The following PWP2 variants were observed in gnomAD, a reference collection of about 807,000 sequenced individuals.
PWP2 encodes the protein periodic tryptophan protein 2 homolog.
For synonymous variants in PWP2, 24 were observed against 45.4 expected, an observed-to-expected ratio of 0.53 and a Z score of 1.89; for missense variants, 35 against 114.1, an observed-to-expected ratio of 0.31 and a Z score of 3.16.
At position 44,112,215 on chromosome 21, in the gene PWP2, C is replaced by T. The variant is rs959375043; in HGVS notation, c.132-1538C>T. On this transcript the variant is annotated intron_variant, in intron 2 of 20. Coordinates refer to ENST00000291576, the MANE Select transcript of PWP2 (RefSeq NM_005049.3). ...ACAGTATCACATGCTACAGAGACAT[C>T]TTGTGAAAGGAAGAGTCCATCGATA... Among the ~76,000 whole-genome samples the T allele has an allele frequency of 1.4e-4, 10 of 72,384 alleles. 4 individuals carry two copies. The highest frequency in any genetic ancestry group is 3.1e-4 in the Admixed American group (2 of 6,440). The allele number at this position is 72,384 out of a possible 152,430, so 47.5% of individuals were successfully genotyped here.
rs923681522 is a variant in PWP2, at chr21:44,117,178, C to T, written c.837-642C>T. ...GCTGGAGTCAAGACTTGAATGGGGA[C>T]TGGAGGAAGAGGAAGGGATGATGGG... On this transcript the variant is annotated intron_variant, in intron 7 of 20. Transcript: ENST00000291576. 2.8e-5 allele frequency among the ~76,000 whole-genome samples: 2 copies of T among 71,920 alleles called. 1 individual carries two copies. The highest frequency in any genetic ancestry group is 9.1e-5 in the Non-Finnish European group (2 of 21,904). 47.2% of individuals were successfully genotyped at this position (71,920 alleles called of 152,430 possible).
rs1350407427 is a variant in PWP2, at chr21:44,118,661, T to C, written c.981-102T>C. 2.0e-5 allele frequency: 6 copies of C among 300,828 alleles called. 1 individual carries two copies. Among genetic ancestry groups the C allele is most frequent in the African/African-American group, 1.0e-4 (5 of 50,074 alleles). The allele number at this position is 300,828 out of a possible 1,614,324, so 18.6% of individuals were successfully genotyped here. A position where few individuals can be genotyped will look rare whatever the true frequency, so the allele number is the denominator to read the frequency against. ...TCTGGTGAGTGGGTGGGGTAAGCTC[T>C]GCACACAGGGATAGAATCTGGTGTC... On this transcript the variant is annotated intron_variant, in intron 8 of 20. Coordinates refer to ENST00000291576, the MANE Select transcript of PWP2 (RefSeq NM_005049.3).
At position 44,107,612 on chromosome 21, in the gene PWP2, C is replaced by G. The variant is rs983685688; in HGVS notation, c.18+178C>G. Among the ~76,000 whole-genome samples the G allele has an allele frequency of 3.1e-5, 2 of 65,156 alleles. 1 individual carries two copies. The highest frequency in any genetic ancestry group is 3.2e-4 in the Admixed American group (2 of 6,208). 42.7% of individuals were successfully genotyped at this position (65,156 alleles called of 152,430 possible). On this transcript the variant is annotated intron_variant, in intron 1 of 20. Coordinates refer to ENST00000291576, the MANE Select transcript of PWP2 (RefSeq NM_005049.3). Reference sequence around the variant, plus strand: ...GGGGACGCGGGGCTGTGGTGGGGCTCCTGGGAGAGCTGGGACGGAGGCGCC... The same window carrying G: ...GGGGACGCGGGGCTGTGGTGGGGCTGCTGGGAGAGCTGGGACGGAGGCGCC...
chr21:44,121,141 AC>A, intron 13 of PWP2, 39 bp downstream of exon 13: 1 of 279,410 alleles, frequency 3.6e-6, no homozygotes. Context: ...CGGCCTGGGG[AC>A]CAGCAGCATG....
rs139657835 is a variant in PWP2, at chr21:44,113,815, C to T, written c.194C>T (p.Pro65Leu). 2 of 71,138 alleles carry T rather than the reference C, an allele frequency of 2.8e-5. No individual in the cohort carries two copies. Among genetic ancestry groups the T allele is most frequent in the African/African-American group, 9.3e-5 (1 of 10,750 alleles). The allele number at this position is 71,138 out of a possible 1,614,324, so 4.4% of individuals were successfully genotyped here. The change falls in exon 3 of 21, where the codon CCG becomes CTG. Residue 65 changes from proline (P) to leucine (L), a missense_variant. Physicochemically the swap from Pro to Leu is moderately conservative, Grantham distance 98. Transcript: ENST00000291576. ...AACGTCAAGTGCGTGGGGCTGTCCC[C>T]GGATGGCCGCCTCGCTATCATCGTC... ...RYNVKCVGLS[P>L]DGRLAIIVDE...
chr21:44,120,591 G>A lies in PWP2; in HGVS notation c.1338-40G>A. 3 of 176,568 alleles carry A rather than the reference G, an allele frequency of 1.7e-5. 1 individual carries two copies. Among genetic ancestry groups the A allele is most frequent in the South Asian group, 6.9e-5 (2 of 28,814 alleles). The allele number at this position is 176,568 out of a possible 1,614,324, so 10.9% of individuals were successfully genotyped here. A position where few individuals can be genotyped will look rare whatever the true frequency, so the allele number is the denominator to read the frequency against. ...CTGCAGTGCAGCTGCTGGGGCAGGG[G>A]ACCCTGGCACGTGACTCTGACCTTG... is the stretch of plus-strand genomic sequence containing the variant. On this transcript the variant is annotated intron_variant, in intron 11 of 20. Coordinates refer to ENST00000291576, the MANE Select transcript of PWP2 (RefSeq NM_005049.3).
In PWP2 at chr21:44,109,011, C is replaced by G; in HGVS notation, c.46C>G (p.Arg16Gly). 1.7e-6 allele frequency: 1 copy of G among 580,488 alleles called. No individual in the cohort carries two copies. Among genetic ancestry groups the G allele is most frequent in the South Asian group, 1.8e-5 (1 of 56,434 alleles). 36.0% of individuals were successfully genotyped at this position (580,488 alleles called of 1,614,324 possible). Residue 16 changes from arginine (R) to glycine (G), a missense_variant, in exon 2 of 21, where the codon CGG becomes GGG. Arg to Gly is a moderately radical substitution (Grantham distance 125). Transcript: ENST00000291576. ...TTCAAATTTGCTGGGTACGGTGTAC[C>G]GGCGTGGGAACCTAAATTTTACCTG... is the stretch of plus-strand genomic sequence containing the variant. ...RFSNLLGTVYRRGNLNFTCDG... is the reference protein window; with the variant it reads ...RFSNLLGTVYGRGNLNFTCDG...
Position 44,129,075 on chromosome 21 carries a change from G to A in PWP2, c.2585+449G>A, listed in dbSNP as rs2039336902. Among the ~76,000 whole-genome samples, 2 of 71,710 alleles carry A rather than the reference G, an allele frequency of 2.8e-5. 1 individual carries two copies. The highest frequency in any genetic ancestry group is 7.4e-4 in the South Asian group (2 of 2,720). The allele number at this position is 71,710 out of a possible 152,430, so 47.0% of individuals were successfully genotyped here. ...AAAAGGGTGCTGTTGCTGCTGCTGC[G>A]AGGATTCATCCGCGGGCCTAGGACA... On this transcript the variant is annotated intron_variant, in intron 20 of 20. Transcript: ENST00000291576.
chr21:44,111,813 A>T lies in PWP2; in HGVS notation c.132-1940A>T, dbSNP rs1375307315. 2.8e-5 allele frequency among the ~76,000 whole-genome samples: 2 copies of T among 70,790 alleles called. 1 individual carries two copies. The highest frequency in any genetic ancestry group is 6.0e-5 in the African/African-American group (2 of 33,216). 46.4% of individuals were successfully genotyped at this position (70,790 alleles called of 152,430 possible). A position where few individuals can be genotyped will look rare whatever the true frequency, so the allele number is the denominator to read the frequency against. On this transcript the variant is annotated intron_variant, in intron 2 of 20. Transcript: ENST00000291576. ...AACCTCCACCTCCTGGGTTCAAGCA[A>T]TTCTCCTGCCTCGGGCCCCCCTACC...
Position 44,117,184 on chromosome 21 carries a change from G to A in PWP2, c.837-636G>A, listed in dbSNP as rs1291781343. ...GTCAAGACTTGAATGGGGACTGGAG[G>A]AAGAGGAAGGGATGATGGGCCCCCC... On this transcript the variant is annotated intron_variant, in intron 7 of 20. Coordinates refer to ENST00000291576, the MANE Select transcript of PWP2 (RefSeq NM_005049.3). 2.8e-5 allele frequency among the ~76,000 whole-genome samples: 2 copies of A among 71,522 alleles called. 1 individual carries two copies. Among genetic ancestry groups the A allele is most frequent in the African/African-American group, 6.1e-5 (2 of 32,712 alleles). The allele number at this position is 71,522 out of a possible 152,430, so 46.9% of individuals were successfully genotyped here. A position where few individuals can be genotyped will look rare whatever the true frequency, so the allele number is the denominator to read the frequency against.
intron 20 of PWP2, among the ~76,000 whole-genome samples, chr21:44,128,896 A>C (rs1020311528): frequency 1.3e-5 from 1 of 75,078 alleles, no homozygotes; most frequent in African/African-American, 2.9e-5. Flanking sequence ...GGAATCCTCC[A>C]GGCTCTTGGA....
In PWP2 at chr21:44,118,845, G is replaced by A. The variant is rs1425130924; in HGVS notation, c.1051+12G>A. 13 of 617,968 alleles carry A rather than the reference G, an allele frequency of 2.1e-5. 4 individuals carry two copies. The highest frequency in any genetic ancestry group is 8.7e-5 in the South Asian group (5 of 57,162). 38.3% of individuals were successfully genotyped at this position (617,968 alleles called of 1,614,324 possible). A position where few individuals can be genotyped will look rare whatever the true frequency, so the allele number is the denominator to read the frequency against. ...TTTTGGCTGTTCAGGTTTGTCCCCC[G>A]CCTGGGTGGTAGAGATGGACTCCCC... On this transcript the variant is annotated intron_variant, in intron 9 of 20. Transcript: ENST00000291576.
At position 44,117,116 on chromosome 21, in the gene PWP2, G is replaced by A. The variant is rs1036468154; in HGVS notation, c.837-704G>A. Among the ~76,000 whole-genome samples, 3 of 72,852 alleles carry A rather than the reference G, an allele frequency of 4.1e-5. 1 individual carries two copies. Among genetic ancestry groups the A allele is most frequent in the African/African-American group, 9.0e-5 (3 of 33,250 alleles). The allele number at this position is 72,852 out of a possible 152,430, so 47.8% of individuals were successfully genotyped here. A position where few individuals can be genotyped will look rare whatever the true frequency, so the allele number is the denominator to read the frequency against. On this transcript the variant is annotated intron_variant, in intron 7 of 20. Coordinates refer to ENST00000291576, the MANE Select transcript of PWP2 (RefSeq NM_005049.3). Reference sequence around the variant, plus strand: ...CGGGTGGGTCAGTGCCCGTGAGTCCGTGCCCGTCAGTGCCCGCGGGGACTT... The same window carrying A: ...CGGGTGGGTCAGTGCCCGTGAGTCCATGCCCGTCAGTGCCCGCGGGGACTT...
rs776233068 is a variant in PWP2, at chr21:44,107,425, C to G, written c.9C>G (p.Phe3Leu). 4 of 1,413,426 alleles carry G rather than the reference C, an allele frequency of 2.8e-6. No homozygotes were observed. The highest frequency in any genetic ancestry group is 1.5e-5 in the African/African-American group (1 of 66,504). The allele number at this position is 1,413,426 out of a possible 1,614,324, so 87.6% of individuals were successfully genotyped here. A position where few individuals can be genotyped will look rare whatever the true frequency, so the allele number is the denominator to read the frequency against. MK[F>L]AYRFSNLLGT... ...CACGTGCGACGGCCGTGATGAAGTT[C>G]GCTTACCGGGTGAGCGCGGGCGGCG... Residue 3 changes from phenylalanine to leucine, a missense_variant, in exon 1 of 21, where the codon TTC becomes TTG. Transcript: ENST00000291576.
chr21:44,124,626 GC>G lies in PWP2; in HGVS notation c.1865del (p.Ala622GlyfsTer19). The G allele has an allele frequency of 2.9e-6, 1 of 347,338 alleles. No individual in the cohort carries two copies. The highest frequency in any genetic ancestry group is 4.6e-6 in the Non-Finnish European group (1 of 218,678). 21.5% of individuals were successfully genotyped at this position (347,338 alleles called of 1,614,324 possible). Reference protein sequence around the residue: ...CYSADGHSILAGGMSKFVCIY... With the variant: ...CYSADGHSILXGGMSKFVCIY... ...CTCTGCAGACGGCCACAGCATCCTG[GC>G]GGGAGGCATGTCCAAGTTCGTGTGC... On this transcript the variant is annotated frameshift_variant, in exon 15 of 21. Coordinates refer to ENST00000291576, the MANE Select transcript of PWP2 (RefSeq NM_005049.3). LOFTEE classifies it high-confidence loss of function.
At chr21:44,119,044 C>T (rs548369382) in intron 9 of PWP2, 1 of 201,726 alleles carries the variant, frequency 5.0e-6, no homozygotes, top group South Asian at 4.1e-5. Flanking sequence ...CTCCAGCCAC[C>T]TTTCAGGGGG....
intron 8 of PWP2, among the ~76,000 whole-genome samples, chr21:44,118,373 C>T (rs1189029966): frequency 5.3e-5 from 1 of 18,920 alleles, no homozygotes; most frequent in African/African-American, 9.1e-5. Context: ...TGGCGTAATT[C>T]GGTTCACTGC....
chr21:44,119,362 A>G lies in PWP2; in HGVS notation c.1052-25A>G. 2 of 568,290 alleles carry G rather than the reference A, an allele frequency of 3.5e-6. 1 individual carries two copies. Among genetic ancestry groups the G allele is most frequent in the Non-Finnish European group, 5.4e-6 (2 of 369,414 alleles). 35.2% of individuals were successfully genotyped at this position (568,290 alleles called of 1,614,324 possible). A position where few individuals can be genotyped will look rare whatever the true frequency, so the allele number is the denominator to read the frequency against. Reference sequence around the variant, plus strand: ...GACCTGGGGTGGGCCTGAGCCGGGTACCCCAGCTTCCCCCGTGTGCACAGG... The same window carrying G: ...GACCTGGGGTGGGCCTGAGCCGGGTGCCCCAGCTTCCCCCGTGTGCACAGG... On this transcript the variant is annotated intron_variant, in intron 9 of 20. Transcript: ENST00000291576.
At position 44,109,164 on chromosome 21, in the gene PWP2, A is replaced by G. The variant is rs138059766; in HGVS notation, c.131+68A>G. 3.0e-3 allele frequency: 669 copies of G among 225,002 alleles called. 135 individuals are homozygous for G. The highest frequency in any genetic ancestry group is 0.014 in the African/African-American group (613 of 42,278). The allele number at this position is 225,002 out of a possible 1,614,324, so 13.9% of individuals were successfully genotyped here. On this transcript the variant is annotated intron_variant, in intron 2 of 20. Transcript: ENST00000291576. ...CTATTATCACCATTTTTTAAGTAAC[A>G]TATGAAAACTGATAGTGTCTTCTGT...
Sources: gnomAD v4.1 joint callset for allele counts (sites outside exome capture counted in the v4.1 genomes callset) on GRCh38, gnomAD v4.1.1 for gene constraint, MANE v1.5 for transcripts, NCBI Gene and HGNC (gene_info 2026-07-23, HGNC 2026-07-21) for gene names.